The following LRP6 variants were observed in gnomAD, a reference collection of about 807,000 sequenced individuals.
LRP6 encodes the protein low-density lipoprotein receptor-related protein 6.
In LRP6, 43 loss-of-function variants were observed where a neutral mutation model predicts 184.1. The observed-to-expected ratio is 0.23, with a 90% CI of 0.18 to 0.30. The LOEUF is 0.30. Ranked by LOEUF, LRP6 falls within the 10% of genes least tolerant of loss-of-function variation. The pLI is 1.00. For synonymous variants in LRP6, 719 were observed against 684.9 expected (o/e 1.05, Z -0.78); for missense variants, 1,571 against 2,005.3 (o/e 0.78, Z 4.14).
intron 16 of LRP6, among the ~76,000 whole-genome samples, chr12:12,137,910 C>A (rs1949866779): frequency 6.6e-6 from 1 of 152,002 alleles, no homozygotes; most frequent in Admixed American, 6.5e-5. Flanking sequence ...CACCTGTAAT[C>A]CCAGCACTTT....
rs1367127227 is a variant in LRP6 at position 12,117,753 on chromosome 12, G to C, written c.*3373C>G. 6.6e-6 allele frequency: 1 copy of C among 152,178 alleles called. No individual in the cohort carries two copies. Among genetic ancestry groups the C allele is most frequent in the Non-Finnish European group, 1.5e-5 (1 of 68,020 alleles). 9.4% of individuals were successfully genotyped at this position (152,178 alleles called of 1,614,324 possible). Reference sequence around the variant, plus strand: ...TATTCTTCATTAATAGGGCTTTATAGCAAAAGAAAAAGATGATCCTCCAAA... The same window carrying C: ...TATTCTTCATTAATAGGGCTTTATACCAAAAGAAAAAGATGATCCTCCAAA... On this transcript the variant is annotated 3_prime_UTR_variant, in exon 23 of 23. Transcript: ENST00000261349.
chr12:12,162,921 C>T (rs1416001661), intron 9 of LRP6, among the ~76,000 whole-genome samples: 1 of 152,084 alleles, frequency 6.6e-6, no homozygotes, highest in East Asian at 1.9e-4. Flanking sequence ...ATCCTAAGTA[C>T]GTTTTGTCCG....
intron 1 of LRP6, among the ~76,000 whole-genome samples, chr12:12,248,003 C>T (rs1242478135): frequency 6.6e-6 from 1 of 152,124 alleles, no homozygotes; most frequent in East Asian, 1.9e-4. Context: ...CTCAGATCAT[C>T]TCATAAAACA....
rs756020856 is a variant in LRP6 at position 12,147,450 on chromosome 12, T to C, written c.3313A>G (p.Ile1105Val). 9.3e-6 allele frequency: 15 copies of C among 1,613,936 alleles called. No homozygotes were observed. Among genetic ancestry groups the C allele is most frequent in the Admixed American group, 1.7e-5 (1 of 59,992 alleles). ...VLFFSGLSKP[I>V]ALALDSRLGK... ...AGCCTGCTATCAAGGGCTAAAGCAA[T>C]TGGTTTACTTAAGCCACTGAAAAAG... Residue 1105 changes from isoleucine to valine, a missense_variant, in exon 15 of 23, where the codon ATT becomes GTT. Ile to Val is a conservative substitution (Grantham distance 29). This residue lies in a region of LRP6 where 763 missense variants were observed against 859.5 expected (regional missense o/e 0.89). Coordinates refer to ENST00000261349, the MANE Select transcript of LRP6 (RefSeq NM_002336.3).
chr12:12,192,822 G>A (rs1863651984), intron 3 of LRP6, among the ~76,000 whole-genome samples: 1 of 151,882 alleles, frequency 6.6e-6, no homozygotes. Flanking sequence ...CTCACTAAAG[G>A]AAAGAACAAC....
intron 2 of LRP6, among the ~76,000 whole-genome samples, chr12:12,223,972 A>T (rs956556774): frequency 6.6e-6 from 1 of 152,172 alleles, no homozygotes. Flanking sequence ...ATATGAAGCA[A>T]TATTATCAAC....
chr12:12,244,562 A>G lies in LRP6; in HGVS notation c.149T>C (p.Leu50Ser). Residue 50 changes from leucine to serine, a missense_variant, in exon 2 of 23, where the codon TTG becomes TCG. Physicochemically the swap from Leu to Ser is moderately radical, Grantham distance 145. Transcript: ENST00000261349. ...KENATIVVGG[L>S]EDAAAVDFVF... ...AAAGTCCACCGCAGCTGCATCCTCC[A>G]AGCCTCCAACTACAATCGTAGCATT... 1 of 1,614,168 alleles carries G rather than the reference A, an allele frequency of 6.2e-7. No homozygotes were observed. The highest frequency in any genetic ancestry group is 8.5e-7 in the Non-Finnish European group (1 of 1,180,022).
Position 12,179,964 on chromosome 12 carries a change from TCAGTC to T in LRP6, c.1386_1390del (p.Trp462Ter). On this transcript the variant is annotated stop_gained and frameshift_variant, in exon 7 of 23. Transcript: ENST00000261349. LOFTEE classifies it high-confidence loss of function. ...CTCAATTTTCGGAATTTCTCCCCAG[TCAGTC>T]CAATACATGTACCTAGAGAAGTATA... 6.2e-7 allele frequency: 1 copy of T among 1,613,764 alleles called. No homozygotes were observed. Among genetic ancestry groups the T allele is most frequent in the Non-Finnish European group, 8.5e-7 (1 of 1,179,704 alleles).
At chr12:12,149,259 T>C in intron 13 of LRP6, 106 bp from the exon 14 acceptor site, 2 of 860,470 alleles carry the variant, frequency 2.3e-6, no homozygotes, top group Non-Finnish European at 2.0e-6. Context: ...CTGAGAAGGC[T>C]CTCTCAAGTC....
intron 19 of LRP6, among the ~76,000 whole-genome samples, chr12:12,128,072 C>T (rs76592826): frequency 0.14 from 20,793 of 152,114 alleles, 1,606 homozygotes; most frequent in Middle Eastern, 0.24. Context: ...CAATCCCTAG[C>T]CTCTGGGTCA....
rs568829769 is a variant in LRP6 at position 12,232,338 on chromosome 12, C to T, written c.449+11924G>A. Among the ~76,000 whole-genome samples the T allele has an allele frequency of 5.3e-5, 8 of 150,052 alleles. No individual in the cohort carries two copies. In the East Asian group the frequency reaches 1.2e-3, roughly 22 times the overall value. ...GGCAGAGCCTGCAGTGAGCCGAGAT[C>T]GTACCACTGCACTCCAGCCTGGGCG... On this transcript the variant is annotated intron_variant, in intron 2 of 22. Transcript: ENST00000261349.
At chr12:12,239,240 G>T (rs1864999128) in intron 2 of LRP6, among the ~76,000 whole-genome samples, 1 of 152,192 alleles carries the variant, frequency 6.6e-6, no homozygotes, top group African/African-American at 2.4e-5. Context: ...TTTAAAGCAA[G>T]ATCCAGTCTA....
intron 2 of LRP6, among the ~76,000 whole-genome samples, chr12:12,239,883 A>T (rs1373513971): frequency 6.6e-6 from 1 of 152,104 alleles, no homozygotes; most frequent in African/African-American, 2.4e-5. Context: ...AAATGCTAGG[A>T]GATATGGAGC....
At chr12:12,180,063 C>G in intron 6 of LRP6, 82 bp from the exon 7 acceptor site, 2 of 1,111,280 alleles carry the variant, frequency 1.8e-6, no homozygotes, top group Non-Finnish European at 2.7e-6. Context: ...ATCCATCCCT[C>G]CTATTACACT....
chr12:12,227,838 A>C (rs1773251191), intron 2 of LRP6, among the ~76,000 whole-genome samples: 1 of 152,160 alleles, frequency 6.6e-6, no homozygotes, highest in Non-Finnish European at 1.5e-5. Context: ...TGGAAGGGAG[A>C]AATTAGGAGT....
At position 12,159,767 on chromosome 12, in the gene LRP6, T is replaced by A; in HGVS notation, c.2464+13A>T. The stretch of plus-strand genomic sequence containing the variant: ...AAGAATATACTGTTTGAGTAAAAAG[T>A]AGTAAAGCTTACCAAGCATATTTGA... On this transcript the variant is annotated intron_variant, in intron 11 of 22. Transcript: ENST00000261349. The A allele has an allele frequency of 6.2e-7, 1 of 1,613,366 alleles. No homozygotes were observed. Among genetic ancestry groups the A allele is most frequent in the Non-Finnish European group, 8.5e-7 (1 of 1,179,324 alleles).
intron 2 of LRP6, among the ~76,000 whole-genome samples, chr12:12,222,272 A>C (rs1036822138): frequency 2.6e-5 from 4 of 152,144 alleles, no homozygotes; most frequent in Admixed American, 1.3e-4. Context: ...TCTATATATA[A>C]AGAAAGATCA....
intron 3 of LRP6, among the ~76,000 whole-genome samples, chr12:12,200,130 G>A (rs1238728687): frequency 3.3e-5 from 5 of 152,120 alleles, no homozygotes; most frequent in Non-Finnish European, 7.3e-5. Context: ...ACTGTGGTCT[G>A]TCAAACTTGC....
At chr12:12,186,138 C>T (rs981129598) in intron 4 of LRP6, among the ~76,000 whole-genome samples, 4 of 152,068 alleles carry the variant, frequency 2.6e-5, no homozygotes, top group African/African-American at 4.8e-5. Context: ...TGAGCCACCG[C>T]GCCTGGCCCA....
Sources: gnomAD v4.1 joint callset for allele counts (sites outside exome capture counted in the v4.1 genomes callset) on GRCh38, gnomAD v4.1.1 for gene constraint, gnomAD v4.1.1 regional missense constraint, MANE v1.5 for transcripts, NCBI Gene and HGNC (gene_info 2026-07-23, HGNC 2026-07-21) for gene names.